Variants in GRM5 observed in about 807,000 individuals in gnomAD.
GRM5 encodes the protein metabotropic glutamate receptor 5.
Under a neutral mutation model 83.1 loss-of-function variants are expected in GRM5, and 19 were observed. The observed-to-expected ratio is 0.23, with a 90% CI of 0.16 to 0.34. The LOEUF (loss-of-function observed/expected upper bound fraction) is 0.34. GRM5 is among the 10% of genes least tolerant of loss of function. The pLI is 1.00. For missense variants in GRM5, 1,160 were observed against 1,588.3 expected (o/e 0.73, Z 4.58); for synonymous variants, 675 against 633.6 (o/e 1.07, Z -0.98).
chr11:88,525,415 T>C lies in GRM5; in HGVS notation c.2631-11A>G, dbSNP rs201408001. 9 of 1,538,332 alleles carry C rather than the reference T, an allele frequency of 5.9e-6. No individual in the cohort carries two copies. The highest frequency in any genetic ancestry group is 8.1e-6 in the Non-Finnish European group (9 of 1,111,822). ...CTCCTGTCTTTGTACCTGGTGAGCATGAACAAGGACAGGAGCAAACAGAAA... is the reference window on the plus strand; with the variant it reads ...CTCCTGTCTTTGTACCTGGTGAGCACGAACAAGGACAGGAGCAAACAGAAA... On this transcript the variant is annotated splice_polypyrimidine_tract_variant and intron_variant, in intron 8 of 9. Transcript: ENST00000305447.
chr11:88,680,156 G>T (rs945599788), intron 3 of GRM5, among the ~76,000 whole-genome samples: 1 of 152,108 alleles, frequency 6.6e-6, no homozygotes, highest in Non-Finnish European at 1.5e-5. Flanking sequence ...ATGAATACAT[G>T]TGCCATGTAG....
intron 2 of GRM5, among the ~76,000 whole-genome samples, chr11:88,891,991 T>A (rs1362992940): frequency 6.6e-6 from 1 of 152,094 alleles, no homozygotes; most frequent in Non-Finnish European, 1.5e-5. Flanking sequence ...GGAAACTTAT[T>A]TTGAACTATG....
chr11:88,605,384 G>A (rs1241794707), intron 4 of GRM5, among the ~76,000 whole-genome samples: 4 of 150,574 alleles, frequency 2.7e-5, no homozygotes, highest in African/African-American at 9.8e-5. Context: ...CTCTTACCTG[G>A]CGATACTAGA....
chr11:89,010,527 A>T (rs181107312), intron 2 of GRM5, among the ~76,000 whole-genome samples: 15 of 152,160 alleles, frequency 9.9e-5, no homozygotes, highest in African/African-American at 3.1e-4. Flanking sequence ...CCTAGAATTC[A>T]TGCAACTGTA....
intron 3 of GRM5, among the ~76,000 whole-genome samples, chr11:88,687,553 C>CACATATATATT (rs1940667174): frequency 6.7e-5 from 1 of 14,912 alleles, no homozygotes; most frequent in Non-Finnish European, 1.2e-4. Context: ...CACACACACA[C>CACATATATATT]ATATATATTA....
At chr11:88,847,370 T>C (rs1435509435) in intron 3 of GRM5, among the ~76,000 whole-genome samples, 1 of 152,182 alleles carries the variant, frequency 6.6e-6, no homozygotes, top group African/African-American at 2.4e-5. Flanking sequence ...CAAATAATGA[T>C]TAAATGAAAC....
intron 2 of GRM5, chr11:88,984,555 T>C (rs949776734): frequency 2.9e-5 from 13 of 446,352 alleles, no homozygotes; most frequent in Admixed American, 1.2e-4. Context: ...TATAAATGTA[T>C]ATTATGCAGC....
At chr11:88,764,169 T>C (rs557253493) in intron 3 of GRM5, among the ~76,000 whole-genome samples, 2 of 151,694 alleles carry the variant, frequency 1.3e-5, no homozygotes, top group African/African-American at 4.8e-5. Context: ...AACAAGAAGA[T>C]ATAAACATCT....
At chr11:88,689,739 C>T (rs962029268) in intron 3 of GRM5, among the ~76,000 whole-genome samples, 12 of 152,152 alleles carry the variant, frequency 7.9e-5, no homozygotes, top group African/African-American at 2.2e-4. Context: ...TGGTGTCTGA[C>T]GTCAGTTCAT....
At chr11:88,998,990 G>C (rs1386586961) in intron 2 of GRM5, among the ~76,000 whole-genome samples, 1 of 152,050 alleles carries the variant, frequency 6.6e-6, no homozygotes, top group Admixed American at 6.6e-5. Flanking sequence ...AATGGGGAAA[G>C]GATTCCCTAT....
rs185739351 is a variant in GRM5 at position 88,596,099 on chromosome 11, A to T, written c.1563+1085T>A. On this transcript the variant is annotated intron_variant, in intron 6 of 9. Coordinates refer to ENST00000305447, the MANE Select transcript of GRM5 (RefSeq NM_001143831.3). ...TCGCTTTTTCTCTAAAGCCATCCCC[A>T]TTTTTCTATTCCTGGAAATGCAACC... 1.4e-4 allele frequency among the ~76,000 whole-genome samples: 22 copies of T among 152,206 alleles called. 1 individual carries two copies. In the East Asian group the frequency reaches 3.5e-3, roughly 24 times the overall value.
chr11:88,939,351 A>G (rs1019605972), intron 2 of GRM5, among the ~76,000 whole-genome samples: 22 of 151,858 alleles, frequency 1.4e-4, no homozygotes, highest in Non-Finnish European at 1.0e-4. Flanking sequence ...GCCCACATTA[A>G]TCATATTTTC....
intron 4 of GRM5, among the ~76,000 whole-genome samples, chr11:88,641,006 C>T (rs1360740482): frequency 6.6e-6 from 1 of 152,088 alleles, no homozygotes; most frequent in Non-Finnish European, 1.5e-5. Flanking sequence ...TAAAGAAATA[C>T]TTGAGACTGG....
intron 9 of GRM5, among the ~76,000 whole-genome samples, chr11:88,510,937 A>G (rs905278614): frequency 6.6e-6 from 1 of 152,240 alleles, no homozygotes; most frequent in Non-Finnish European, 1.5e-5. Flanking sequence ...TGTGACCAAC[A>G]GATAGCCTTG....
intron 2 of GRM5, among the ~76,000 whole-genome samples, chr11:88,998,490 G>A (rs954141412): frequency 6.6e-6 from 1 of 152,136 alleles, no homozygotes; most frequent in Non-Finnish European, 1.5e-5. Context: ...ACTTCATGTT[G>A]AAAGACCAAA....
intron 8 of GRM5, among the ~76,000 whole-genome samples, chr11:88,548,652 A>G (rs1001416069): frequency 1.3e-5 from 2 of 152,196 alleles, no homozygotes; most frequent in African/African-American, 4.8e-5. Context: ...CATTCATAAC[A>G]TTACAACCTG....
chr11:88,965,999 A>T lies in GRM5; in HGVS notation c.661+81213T>A, dbSNP rs1938947548. Among the ~76,000 whole-genome samples the T allele has an allele frequency of 2.0e-5, 3 of 152,202 alleles. No individual in the cohort carries two copies. The South Asian group carries it at 6.2e-4, about 31-fold the overall frequency. On this transcript the variant is annotated intron_variant, in intron 2 of 9. Coordinates refer to ENST00000305447, the MANE Select transcript of GRM5 (RefSeq NM_001143831.3). ...CTTTCATCATGACAGAACACAGAAT[A>T]GGAAATTCAACAGACTTTAAATTTA... is the stretch of plus-strand genomic sequence containing the variant.
At chr11:88,899,084 G>A (rs180872690) in intron 2 of GRM5, among the ~76,000 whole-genome samples, 48 of 151,946 alleles carry the variant, frequency 3.2e-4, no homozygotes, top group African/African-American at 1.1e-3. Context: ...CTAGGTTTCC[G>A]ATTGTGATCT....
intron 2 of GRM5, among the ~76,000 whole-genome samples, chr11:89,031,608 A>G (rs962104627): frequency 6.6e-6 from 1 of 151,972 alleles, no homozygotes; most frequent in Non-Finnish European, 1.5e-5. Context: ...GCAAACAAAA[A>G]CATCCAATAT....
Sources: allele counts gnomAD v4.1 joint callset (sites outside exome capture counted in the v4.1 genomes callset), GRCh38; gene constraint gnomAD v4.1.1; transcripts MANE v1.5; gene names NCBI Gene and HGNC (gene_info 2026-07-23, HGNC 2026-07-21).